CA5A: variants seen among roughly 807,000 people sequenced by gnomAD.
CA5A encodes the protein carbonic anhydrase 5A, mitochondrial.
A neutral mutation model predicts 37.1 loss-of-function variants in CA5A; 28 were observed. The observed-to-expected ratio is 0.75, with a 90% CI of 0.56 to 1.03. CA5A has a LOEUF of 1.03. CA5A is among the 50% of genes least tolerant of loss of function. The probability of loss-of-function intolerance (pLI) is 0.00; values close to 1 mark genes in which losing one functional copy is unlikely to be tolerated. For synonymous variants in CA5A, 171 were observed against 158.4 expected (o/e 1.08, Z -0.60); for missense variants, 444 against 399.9 (o/e 1.11, Z -0.94).
chr16:87,897,384 C>G (rs1041896622), intron 5 of CA5A, among the ~76,000 whole-genome samples: 1 of 152,238 alleles, frequency 6.6e-6, no homozygotes, highest in Admixed American at 6.5e-5. Context: ...AAGGCGAAGC[C>G]TTGAGGTCTC....
At position 87,902,471 on chromosome 16, in the gene CA5A, G is replaced by C. The variant is rs767501885; in HGVS notation, c.509C>G (p.Ala170Gly). The C allele has an allele frequency of 6.2e-6, 10 of 1,612,272 alleles. No individual in the cohort carries two copies. Among genetic ancestry groups the C allele is most frequent in the African/African-American group, 1.3e-5 (1 of 75,006 alleles). ...AGCCAAACCATTCTCTCCCACGACA[G>C]CTTCCTTGTAATTTTGGTATTTCAC... ...NSVKYQNYKE[A>G]VVGENGLAVI... Residue 170 changes from alanine (A) to glycine (G), a missense_variant, in exon 4 of 7, where the codon GCT becomes GGT. Coordinates refer to ENST00000649794, the MANE Select transcript of CA5A (RefSeq NM_001739.2).
chr16:87,932,443 C>T (rs749410885), intron 1 of CA5A, among the ~76,000 whole-genome samples: 5 of 152,256 alleles, frequency 3.3e-5, no homozygotes, highest in East Asian at 1.9e-4. Context: ...TTGAACTCAG[C>T]GTGTGTCACC....
At chr16:87,894,353 T>A (rs1055763782) in intron 5 of CA5A, among the ~76,000 whole-genome samples, 2 of 152,004 alleles carry the variant, frequency 1.3e-5, no homozygotes, top group African/African-American at 2.4e-5. Flanking sequence ...GCCTCCCTGC[T>A]CAGCCACATC....
chr16:87,899,696 G>T (rs1433266693), intron 5 of CA5A, among the ~76,000 whole-genome samples: 4 of 150,394 alleles, frequency 2.7e-5, no homozygotes, highest in Admixed American at 2.0e-4. Context: ...AAGGTGGGCA[G>T]ATCACTTGAG....
chr16:87,928,950 T>C (rs924654100), intron 1 of CA5A, among the ~76,000 whole-genome samples: 36 of 150,508 alleles, frequency 2.4e-4, no homozygotes, highest in African/African-American at 8.2e-4. Context: ...TGTATTTTTT[T>C]CATAGAGACG....
At chr16:87,933,201 G>A (rs547431154) in intron 1 of CA5A, among the ~76,000 whole-genome samples, 27 of 152,332 alleles carry the variant, frequency 1.8e-4, no homozygotes, top group African/African-American at 4.8e-4. Flanking sequence ...TTAATAAGCC[G>A]TTCTCCCAGG....
chr16:87,888,816 G>A (rs987829971), intron 6 of CA5A, among the ~76,000 whole-genome samples: 5 of 152,148 alleles, frequency 3.3e-5, no homozygotes, highest in South Asian at 2.1e-4. Flanking sequence ...TCATTGGCGA[G>A]ATCTCAGCTC....
intron 1 of CA5A, among the ~76,000 whole-genome samples, chr16:87,927,856 CAA>C (rs569544193): frequency 3.4e-3 from 269 of 78,904 alleles, no homozygotes; most frequent in African/African-American, 0.011. Context: ...GACTCTGCCT[CAA>C]AAAAAAAAAA....
chr16:87,891,372 G>A (rs2055710608), intron 6 of CA5A, among the ~76,000 whole-genome samples: 1 of 151,668 alleles, frequency 6.6e-6, no homozygotes, highest in African/African-American at 2.4e-5. Context: ...GGAGGCTGAG[G>A]CAGGAGAATC....
intron 2 of CA5A, among the ~76,000 whole-genome samples, chr16:87,917,771 T>C (rs548123416): frequency 1.1e-5 from 1 of 92,366 alleles, no homozygotes; most frequent in Non-Finnish European, 1.9e-5. Flanking sequence ...AGTGCACATG[T>C]GCACACATGC....
At chr16:87,881,831 T>G (rs1038491876) in exon 5 of CA5A, 3 of 152,248 alleles carry the variant, frequency 2.0e-5, no homozygotes, top group Non-Finnish European at 4.4e-5. Flanking sequence ...CAGGCTCGGA[T>G]GGCTTCCCGG....
chr16:87,936,390 C>A lies in CA5A; in HGVS notation c.61G>T (p.Ala21Ser). ...CTCATCGAACGACTCCAGAGAGGGG[C>A]CCACATCTGCTCAACCAAGAAGGAG... is the stretch of plus-strand genomic sequence containing the variant. The part of the protein sequence containing the change: ...AFSFLVEQMW[A>S]PLWSRSMRPG... Residue 21 changes from alanine (A) to serine (S), a missense_variant, in exon 1 of 7, where the codon GCC (alanine) becomes TCC (serine). Coordinates refer to ENST00000649794, the MANE Select transcript of CA5A (RefSeq NM_001739.2). The A allele has an allele frequency of 6.2e-7, 1 of 1,613,994 alleles. No individual in the cohort carries two copies. The highest frequency in any genetic ancestry group is 1.1e-5 in the South Asian group (1 of 91,078).
chr16:87,901,592 CTTTTT>C (rs369833235), intron 5 of CA5A, among the ~76,000 whole-genome samples: 335 of 145,746 alleles, frequency 2.3e-3, no homozygotes, highest in African/African-American at 8.1e-3. Flanking sequence ...CTTTTCTTTT[CTTTTT>C]TTTTTTTTGA....
downstream of CA5A, chr16:87,885,250 T>C (rs1388094905): frequency 1.3e-5 from 2 of 157,486 alleles, no homozygotes; most frequent in African/African-American, 4.8e-5. Context: ...GAGAAGAGAT[T>C]TGTAAAATGG....
rs776452927 is a variant in CA5A at position 87,936,479 on chromosome 16, T to A, written c.-29A>T. Reference sequence around the variant, plus strand: ...GGGTCTGTTCCCACTGACTCCAGTCTGAAGAGGGTGATGTTCCCTGCTGTC... The same window carrying A: ...GGGTCTGTTCCCACTGACTCCAGTCAGAAGAGGGTGATGTTCCCTGCTGTC... On this transcript the variant is annotated 5_prime_UTR_variant, in exon 1 of 7. Coordinates refer to ENST00000649794, the MANE Select transcript of CA5A (RefSeq NM_001739.2). 3 of 1,612,220 alleles carry A rather than the reference T, an allele frequency of 1.9e-6. No individual in the cohort carries two copies. Among genetic ancestry groups the A allele is most frequent in the Non-Finnish European group, 2.5e-6 (3 of 1,179,488 alleles).
chr16:87,917,295 CG>C (rs1171120158), intron 2 of CA5A, among the ~76,000 whole-genome samples: 1 of 152,074 alleles, frequency 6.6e-6, no homozygotes, highest in African/African-American at 2.4e-5. Flanking sequence ...TCCTCAGTCC[CG>C]CTCCTAATTA....
chr16:87,924,124 C>T, intron 2 of CA5A: 1 of 985,402 alleles, frequency 1.0e-6, no homozygotes, highest in South Asian at 4.7e-5. Context: ...GTTTGTGCCT[C>T]CCAAGATCTG....
At chr16:87,881,647 A>G (rs1243044931) in exon 5 of CA5A, 2 of 152,106 alleles carry the variant, frequency 1.3e-5, no homozygotes, top group Non-Finnish European at 2.9e-5. Flanking sequence ...TCTACAATAC[A>G]ATCAGAAGCC....
chr16:87,935,072 A>G (rs2056453527), intron 1 of CA5A, among the ~76,000 whole-genome samples: 1 of 152,242 alleles, frequency 6.6e-6, no homozygotes, highest in Admixed American at 6.5e-5. Flanking sequence ...AGATAAGGAC[A>G]CAGAGGCTTG....
Sources: allele counts gnomAD v4.1 joint callset (sites outside exome capture counted in the v4.1 genomes callset), GRCh38; gene constraint gnomAD v4.1.1; transcripts MANE v1.5; gene names NCBI Gene and HGNC (gene_info 2026-07-23, HGNC 2026-07-21).